ALCAM: variants seen among roughly 807,000 people sequenced by gnomAD.
ALCAM encodes the protein activated leukocyte cell adhesion molecule, also known as CD166 antigen.
ALCAM carries 30 observed loss-of-function variants against 70.9 expected under a neutral mutation model. That is an observed-to-expected ratio of 0.42 (90% CI 0.32 to 0.57). ALCAM has a LOEUF of 0.57. ALCAM is among the 20% of genes least tolerant of loss of function. The pLI, the probability that ALCAM is intolerant of heterozygous loss-of-function variation, is 0.11. For missense variants in ALCAM, 591 were observed against 695.1 expected (o/e 0.85, Z 1.68); for synonymous variants, 249 against 242.5 (o/e 1.03, Z -0.25).
At chr3:105,386,995 A>G (rs1576125904) in intron 1 of ALCAM, among the ~76,000 whole-genome samples, 1 of 151,640 alleles carries the variant, frequency 6.6e-6, no homozygotes, top group East Asian at 1.9e-4. Context: ...ATTATATTGA[A>G]TGTTCGTGAC....
At chr3:105,449,097 T>A (rs759419869) in intron 1 of ALCAM, among the ~76,000 whole-genome samples, 7 of 152,250 alleles carry the variant, frequency 4.6e-5, no homozygotes, top group Non-Finnish European at 1.0e-4. Context: ...TGTTTCTACA[T>A]GGTAAAAGGC....
intron 2 of ALCAM, among the ~76,000 whole-genome samples, chr3:105,520,562 G>A (rs1349993983): frequency 6.6e-6 from 1 of 152,196 alleles, no homozygotes; most frequent in Non-Finnish European, 1.5e-5. Flanking sequence ...TCAGTAGATA[G>A]AGCCTTAGAC....
chr3:105,511,538 T>C (rs866148905), intron 1 of ALCAM, among the ~76,000 whole-genome samples: 2 of 152,128 alleles, frequency 1.3e-5, no homozygotes, highest in Non-Finnish European at 1.5e-5. Flanking sequence ...TGACCTTAAC[T>C]TATATTGCAA....
chr3:105,468,439 G>C (rs1396744031), intron 1 of ALCAM, among the ~76,000 whole-genome samples: 1 of 151,212 alleles, frequency 6.6e-6, no homozygotes, highest in Non-Finnish European at 1.5e-5. Context: ...TCATCAGACT[G>C]TATTTATAGT....
At chr3:105,539,181 A>G (rs955304838) in intron 6 of ALCAM, among the ~76,000 whole-genome samples, 3 of 152,126 alleles carry the variant, frequency 2.0e-5, no homozygotes, top group African/African-American at 4.8e-5. Context: ...TTATCCAGCA[A>G]CATAACAAAT....
At chr3:105,389,170 A>AAATATGACATATGACAAATATGACTT (rs1935733591) in intron 1 of ALCAM, among the ~76,000 whole-genome samples, 2 of 151,678 alleles carry the variant, frequency 1.3e-5, no homozygotes, top group Non-Finnish European at 3.0e-5. Flanking sequence ...AATATGACAC[A>AAATATGACATATGACAAATATGACTT]TTCAAACAGA....
At chr3:105,443,509 T>C (rs1024889403) in intron 1 of ALCAM, among the ~76,000 whole-genome samples, 1 of 152,168 alleles carries the variant, frequency 6.6e-6, no homozygotes, top group African/African-American at 2.4e-5. Flanking sequence ...ATAAGAGATA[T>C]ACAATAGAAT....
At chr3:105,520,793 T>C (rs1939516204) in intron 2 of ALCAM, among the ~76,000 whole-genome samples, 1 of 152,176 alleles carries the variant, frequency 6.6e-6, no homozygotes, top group African/African-American at 2.4e-5. Context: ...CTATGTAACT[T>C]TGAGTAATAA....
intron 1 of ALCAM, among the ~76,000 whole-genome samples, chr3:105,479,443 TATC>T (rs1938210950): frequency 6.6e-6 from 1 of 152,174 alleles, no homozygotes. Context: ...ACTACTAAAA[TATC>T]ATACATAAAA....
At chr3:105,468,863 G>T (rs962317411) in intron 1 of ALCAM, among the ~76,000 whole-genome samples, 1 of 151,172 alleles carries the variant, frequency 6.6e-6, no homozygotes, top group Non-Finnish European at 1.5e-5. Context: ...AACTTTATTT[G>T]ATTTTTATTT....
intron 1 of ALCAM, among the ~76,000 whole-genome samples, chr3:105,370,580 A>G (rs916442672): frequency 6.6e-6 from 1 of 150,916 alleles, no homozygotes; most frequent in African/African-American, 2.4e-5. Context: ...TTTCAACACT[A>G]TTTTTCTAAG....
At chr3:105,521,039 C>G (rs1011969497) in intron 2 of ALCAM, among the ~76,000 whole-genome samples, 2 of 152,064 alleles carry the variant, frequency 1.3e-5, no homozygotes, top group African/African-American at 4.8e-5. Context: ...CGGTGGCTCA[C>G]GCCTGTAATC....
chr3:105,571,462 C>T (rs748317554), intron 14 of ALCAM, among the ~76,000 whole-genome samples: 31 of 152,240 alleles, frequency 2.0e-4, no homozygotes, highest in Non-Finnish European at 2.8e-4. Context: ...CAGAAGGGAA[C>T]GCGCCTTCAT....
intron 1 of ALCAM, among the ~76,000 whole-genome samples, chr3:105,443,093 G>A (rs1485587503): frequency 6.6e-6 from 1 of 152,124 alleles, no homozygotes; most frequent in East Asian, 1.9e-4. Context: ...CCCAAAGCCT[G>A]GGGATTACAG....
At chr3:105,536,237 G>A (rs995952408) in intron 6 of ALCAM, among the ~76,000 whole-genome samples, 2 of 151,924 alleles carry the variant, frequency 1.3e-5, no homozygotes, top group African/African-American at 4.8e-5. Context: ...GGGATTAGAA[G>A]CGCATGCCAC....
At chr3:105,482,830 G>A (rs900238903) in intron 1 of ALCAM, among the ~76,000 whole-genome samples, 4 of 152,002 alleles carry the variant, frequency 2.6e-5, no homozygotes, top group East Asian at 1.9e-4. Context: ...TTGTGGAGTC[G>A]TCTTTCTCTG....
chr3:105,525,670 C>T (rs187311122), intron 3 of ALCAM, among the ~76,000 whole-genome samples: 20 of 152,234 alleles, frequency 1.3e-4, no homozygotes, highest in African/African-American at 4.1e-4. Flanking sequence ...TAGGTCTGTC[C>T]CTCAAGTATT....
rs1048469668 is a variant in ALCAM, at chr3:105,571,854, C to T, written c.1667C>T (p.Thr556Ile). Residue 556 changes from threonine to isoleucine, a missense_variant and splice_region_variant, in exon 15 of 16, where the codon ACT becomes ATT. Thr to Ile is a moderately conservative substitution (Grantham distance 89). This residue lies in a region of ALCAM where 164 missense variants were observed against 244.7 expected (regional missense o/e 0.67). Transcript: ENST00000306107. ...VYWLYMKKSKTASKHVNKDLG... is the reference protein window; with the variant it reads ...VYWLYMKKSKIASKHVNKDLG... ...AAGTTTATTTAATTCTCTTACAGGA[C>T]TGCATCAAAACATGTAAACAAGGAC... 1 of 1,606,144 alleles carries T rather than the reference C, an allele frequency of 6.2e-7. No individual in the cohort carries two copies. Among genetic ancestry groups the T allele is most frequent in the Non-Finnish European group, 8.5e-7 (1 of 1,173,748 alleles).
chr3:105,536,603 C>T (rs1258013231), intron 6 of ALCAM, among the ~76,000 whole-genome samples: 4 of 152,100 alleles, frequency 2.6e-5, no homozygotes, highest in Non-Finnish European at 5.9e-5. Flanking sequence ...TTTTATCATG[C>T]TGGCTGTGTA....
Sources: allele counts gnomAD v4.1 joint callset (sites outside exome capture counted in the v4.1 genomes callset), GRCh38; gene constraint gnomAD v4.1.1; regional missense constraint gnomAD v4.1.1; transcripts MANE v1.5; gene names NCBI Gene and HGNC (gene_info 2026-07-23, HGNC 2026-07-21).